RNF213: variants seen among roughly 807,000 people sequenced by gnomAD.
RNF213 encodes ring finger protein 213, also known as E3 ubiquitin-protein ligase RNF213.
Under a neutral mutation model 514.4 loss-of-function variants are expected in RNF213, and 341 were observed. The observed-to-expected ratio is 0.66, with a 90% CI of 0.61 to 0.73. RNF213 has a LOEUF of 0.73. Among genes scored for constraint, RNF213 ranks in the 30% least tolerant of loss-of-function variants. RNF213 has a pLI of 0.00. For synonymous variants in RNF213, 2,655 were observed against 2,658.2 expected, an observed-to-expected ratio of 1.00 and a Z score of 0.04; for missense variants, 5,767 against 6,615.6, an observed-to-expected ratio of 0.87 and a Z score of 4.45.
chr17:80,375,878 A>T lies in RNF213; in HGVS notation c.13185+8A>T. The stretch of plus-strand genomic sequence containing the variant: ...CTCCACCCCACGCCAGAGGTGAGTA[A>T]CCGCCTGCAGGGCTGTGTTCAAAGT... On this transcript the variant is annotated splice_region_variant and intron_variant, in intron 51 of 67. Coordinates refer to ENST00000582970, the MANE Select transcript of RNF213 (RefSeq NM_001256071.3). The T allele has an allele frequency of 1.9e-6, 3 of 1,564,682 alleles. No homozygotes were observed. Among genetic ancestry groups the T allele is most frequent in the Non-Finnish European group, 2.6e-6 (3 of 1,134,982 alleles).
At chr17:80,373,907 G>A (rs942584211) in intron 49 of RNF213, among the ~76,000 whole-genome samples, 3 of 151,412 alleles carry the variant, frequency 2.0e-5, no homozygotes, top group Non-Finnish European at 4.4e-5. Flanking sequence ...GGAGGCTGAG[G>A]CAGGAGAATC....
intron 15 of RNF213, among the ~76,000 whole-genome samples, chr17:80,315,879 G>A (rs2143782356): frequency 5.5e-5 from 3 of 54,436 alleles, no homozygotes; most frequent in Non-Finnish European, 1.3e-4. Flanking sequence ...AGGTAATGGA[G>A]GTGATGGTGG....
chr17:80,347,698 C>T lies in RNF213; in HGVS notation c.9363C>T (p.Val3121=), dbSNP rs2078359551. The T allele has an allele frequency of 6.2e-7, 1 of 1,614,000 alleles. No homozygotes were observed. The highest frequency in any genetic ancestry group is 8.5e-7 in the Non-Finnish European group (1 of 1,179,890). Residue 3121 remains valine, a synonymous_variant, in exon 29 of 68, where the codon GTC becomes GTT. Transcript: ENST00000582970. This position sits in a 1 kb window ranked among gnomAD's most constrained non-coding sequence, Gnocchi z 7.2. The part of the protein sequence containing the change: ...SLYDALNQYY[V]HLGGQKYVDL... The stretch of plus-strand genomic sequence containing the variant: ...ACGACGCACTCAACCAGTACTACGT[C>T]CACCTCGGCGGCCAGAAGTACGTGG...
Position 80,264,041 on chromosome 17 carries a change from C to T in RNF213, c.97+263C>T, listed in dbSNP as rs1317017175. ...GCTTCCGTCCCTCGTTCAGGCCCGG[C>T]CTGAGTGAGCCCACCCGAGTGGGAG... On this transcript the variant is annotated intron_variant, in intron 2 of 67. Coordinates refer to ENST00000582970, the MANE Select transcript of RNF213 (RefSeq NM_001256071.3). This position sits in a 1 kb window ranked among gnomAD's most constrained non-coding sequence, Gnocchi z 5.0. 1.3e-5 allele frequency among the ~76,000 whole-genome samples: 2 copies of T among 152,206 alleles called. No homozygotes were observed. The highest frequency in any genetic ancestry group is 1.3e-4 in the Admixed American group (2 of 15,276).
Position 80,340,493 on chromosome 17 carries a change from A to G in RNF213, c.5989+137A>G, listed in dbSNP as rs527871855. The G allele has an allele frequency of 8.4e-6, 7 of 836,068 alleles. No individual in the cohort carries two copies. The African/African-American group carries it at 1.2e-4, about 14-fold the overall frequency. 51.8% of individuals were successfully genotyped at this position (836,068 alleles called of 1,614,324 possible). A position where few individuals can be genotyped will look rare whatever the true frequency, so the allele number is the denominator to read the frequency against. ...GGGTGTGATTCATCTGTGGGTGTCAATCAGGGTCTGTGCCAGAACCAGGCA... is the reference window on the plus strand; with the variant it reads ...GGGTGTGATTCATCTGTGGGTGTCAGTCAGGGTCTGTGCCAGAACCAGGCA... On this transcript the variant is annotated intron_variant, in intron 26 of 67. Coordinates refer to ENST00000582970, the MANE Select transcript of RNF213 (RefSeq NM_001256071.3).
In RNF213 at chr17:80,343,920, A is replaced by G. The variant is rs745676999; in HGVS notation, c.6247A>G (p.Asn2083Asp). 3 of 1,614,174 alleles carry G rather than the reference A, an allele frequency of 1.9e-6. No individual in the cohort carries two copies. Among genetic ancestry groups the G allele is most frequent in the South Asian group, 1.1e-5 (1 of 91,080 alleles). ...LLILQYLMDINGKMWLRNPCH... is the reference protein window; with the variant it reads ...LLILQYLMDIDGKMWLRNPCH... The stretch of plus-strand genomic sequence containing the variant: ...CATTTTACAATACTTAATGGATATA[A>G]ATGGGAAAATGTGGCTTCGGAACCC... Residue 2083 changes from asparagine to aspartate, a missense_variant, in exon 28 of 68, where the codon AAT (asparagine) becomes GAT (aspartate). By Grantham distance (23) the Asn-to-Asp change is conservative. Coordinates refer to ENST00000582970, the MANE Select transcript of RNF213 (RefSeq NM_001256071.3). This position sits in a 1 kb window ranked among gnomAD's most constrained non-coding sequence, Gnocchi z 4.3.
chr17:80,290,026 T>C (rs1377540095), intron 6 of RNF213, among the ~76,000 whole-genome samples, 189 bp downstream of exon 6: 1 of 152,188 alleles, frequency 6.6e-6, no homozygotes, highest in Non-Finnish European at 1.5e-5. Flanking sequence ...GTTTCTTGTT[T>C]CCTAATAGCC....
At chr17:80,372,944 C>G (rs763231621) in intron 48 of RNF213, 31 bp from the exon 49 acceptor site, 2 of 1,603,384 alleles carry the variant, frequency 1.2e-6, no homozygotes, top group East Asian at 4.5e-5. Context: ...AAGTCACCAG[C>G]CACTCACCCG....
chr17:80,334,392 A>C, intron 22 of RNF213, 122 bp downstream of exon 22: 1 of 1,069,620 alleles, frequency 9.3e-7, no homozygotes, highest in South Asian at 1.7e-5. Flanking sequence ...AAAGGGCAGA[A>C]AGACGTTGCC....
intron 26 of RNF213, among the ~76,000 whole-genome samples, chr17:80,342,878 T>G (rs958460406): frequency 2.0e-5 from 3 of 151,618 alleles, no homozygotes; most frequent in African/African-American, 7.3e-5. Context: ...CAATCTCAGC[T>G]CACTACAACC....
At position 80,294,954 on chromosome 17, in the gene RNF213, A is replaced by T. The variant is rs770879862; in HGVS notation, c.1706A>T (p.Tyr569Phe). 8 of 1,614,182 alleles carry T rather than the reference A, an allele frequency of 5.0e-6. No homozygotes were observed. The highest frequency in any genetic ancestry group is 5.1e-6 in the Non-Finnish European group (6 of 1,180,042). Residue 569 changes from tyrosine to phenylalanine, a missense_variant, in exon 9 of 68, where the codon TAT (tyrosine) becomes TTT (phenylalanine). Around this residue, in one of 13 missense-constraint regions of RNF213, gnomAD observed 592 missense variants for 673.9 expected, o/e 0.88. Coordinates refer to ENST00000582970, the MANE Select transcript of RNF213 (RefSeq NM_001256071.3). Reference protein sequence around the residue: ...FCFVLQQPMIYEGQAQLWTDL... With the variant: ...FCFVLQQPMIFEGQAQLWTDL... ...TTTGTCCTGCAACAGCCTATGATTT[A>T]TGAAGGACAGGCACAGCTGTGGACC... is the stretch of plus-strand genomic sequence containing the variant.
rs557041667 is a variant in RNF213, at chr17:80,283,461, G to A, written c.262-4354G>A. ...CTCCAAGGGTCTCTCCTGCAGTTGC[G>A]TCTGCGCTTACTGCAGTCTTTCCAC... On this transcript the variant is annotated intron_variant, in intron 3 of 67. Coordinates refer to ENST00000582970, the MANE Select transcript of RNF213 (RefSeq NM_001256071.3). 2.0e-5 allele frequency among the ~76,000 whole-genome samples: 3 copies of A among 152,320 alleles called. No individual in the cohort carries two copies. The South Asian group carries it at 6.2e-4, about 32-fold the overall frequency.
rs111378555 is a variant in RNF213 at position 80,337,746 on chromosome 17, C to T, written c.4668+20C>T. 734 of 1,537,258 alleles carry T rather than the reference C, an allele frequency of 4.8e-4. 1 individual carries two copies. Among genetic ancestry groups the T allele is most frequent in the Non-Finnish European group, 5.4e-4 (621 of 1,146,900 alleles). ...CAAAAGGTGAGCGGTCCCCAGCCCT[C>T]GGCGCAGCTGCGGCCCTTCTGCAGG... On this transcript the variant is annotated intron_variant, in intron 24 of 67. Coordinates refer to ENST00000582970, the MANE Select transcript of RNF213 (RefSeq NM_001256071.3).
At chr17:80,342,762 T>A (rs1007261380) in intron 26 of RNF213, among the ~76,000 whole-genome samples, 68 of 145,274 alleles carry the variant, frequency 4.7e-4, no homozygotes, top group African/African-American at 1.5e-3. Context: ...ATATATATAT[T>A]ATATATATAT....
intron 11 of RNF213, 72 bp downstream of exon 11, chr17:80,298,590 C>T (rs545264314): frequency 4.1e-5 from 62 of 1,523,064 alleles, no homozygotes; most frequent in African/African-American, 1.4e-4. Flanking sequence ...CCCGGAGTCC[C>T]GGTGGGCTCT....
chr17:80,277,944 A>G (rs1035714660), intron 3 of RNF213, among the ~76,000 whole-genome samples: 2 of 152,108 alleles, frequency 1.3e-5, no homozygotes, highest in Non-Finnish European at 2.9e-5. Context: ...GTGGGTGGAG[A>G]GGGAAAGGGC....
At chr17:80,337,246 C>A (rs957697236) in intron 23 of RNF213, among the ~76,000 whole-genome samples, 7 of 152,240 alleles carry the variant, frequency 4.6e-5, no homozygotes. Context: ...GGGGACCTGG[C>A]AGAATGATGG....
chr17:80,373,902 C>T lies in RNF213; in HGVS notation c.12943-556C>T, dbSNP rs112159580. ...CTTGTAATCCCAGCTAGTCGGGAGG[C>T]TGAGGCAGGAGAATCACTTGAACCC... On this transcript the variant is annotated intron_variant, in intron 49 of 67. Transcript: ENST00000582970. Among the ~76,000 whole-genome samples the T allele has an allele frequency of 8.2e-3, 1,237 of 150,766 alleles. 26 individuals carry two copies. The highest frequency in any genetic ancestry group is 0.028 in the African/African-American group (1,164 of 41,060).
intron 51 of RNF213, 126 bp from the exon 52 acceptor site, chr17:80,376,175 T>C: frequency 8.5e-7 from 1 of 1,176,622 alleles, no homozygotes; most frequent in Non-Finnish European, 1.2e-6. Context: ...AATTTCCCCC[T>C]CAAATGGTGG....
Sources: gnomAD v4.1 joint callset for allele counts (sites outside exome capture counted in the v4.1 genomes callset) on GRCh38, gnomAD v4.1.1 for gene constraint, gnomAD v4.1.1 regional missense constraint, Gnocchi (gnomAD v3.1) non-coding constraint, MANE v1.5 for transcripts, NCBI Gene and HGNC (gene_info 2026-07-23, HGNC 2026-07-21) for gene names.